Variants in CNTNAP5 observed in about 807,000 individuals in gnomAD.
The protein encoded by CNTNAP5 is contactin-associated protein-like 5.
A neutral mutation model predicts 150.2 loss-of-function variants in CNTNAP5; 72 were observed. That is an observed-to-expected ratio of 0.48 (90% CI 0.40 to 0.58). The LOEUF (loss-of-function observed/expected upper bound fraction) is 0.58, where lower values mean the gene tolerates loss of function less well. Among genes scored for constraint, CNTNAP5 ranks in the 20% least tolerant of loss-of-function variants. The pLI is 0.00. For missense variants in CNTNAP5, 1,636 were observed against 1,626.2 expected (o/e 1.01, Z -0.10); for synonymous variants, 672 against 619.8 (o/e 1.08, Z -1.25).
chr2:124,263,855 C>T (rs572085342), intron 3 of CNTNAP5, among the ~76,000 whole-genome samples: 61 of 152,244 alleles, frequency 4.0e-4, no homozygotes, highest in Middle Eastern at 3.4e-3. Flanking sequence ...CCAGTTTCAG[C>T]CTTCTACATA....
chr2:124,495,543 G>T (rs1233093280), intron 7 of CNTNAP5, among the ~76,000 whole-genome samples: 12 of 152,168 alleles, frequency 7.9e-5, no homozygotes, highest in African/African-American at 2.9e-4. Context: ...GTCATGCAGG[G>T]CACCATCTTC....
At chr2:124,379,748 G>C (rs1690742362) in intron 3 of CNTNAP5, among the ~76,000 whole-genome samples, 1 of 152,110 alleles carries the variant, frequency 6.6e-6, no homozygotes, top group South Asian at 2.1e-4. Context: ...AACCAGCCCT[G>C]GGATTTTGCT....
intron 3 of CNTNAP5, among the ~76,000 whole-genome samples, chr2:124,327,752 G>C (rs1187977566): frequency 1.3e-5 from 2 of 152,056 alleles, no homozygotes; most frequent in African/African-American, 4.8e-5. Flanking sequence ...TGCCCTTCCA[G>C]ATCAAACCAA....
intron 3 of CNTNAP5, among the ~76,000 whole-genome samples, chr2:124,368,885 G>T (rs540179424): frequency 2.6e-5 from 4 of 152,308 alleles, no homozygotes; most frequent in Non-Finnish European, 5.9e-5. Flanking sequence ...CAGCTCTGAC[G>T]AGAGAAGCTA....
intron 1 of CNTNAP5, among the ~76,000 whole-genome samples, chr2:124,153,297 A>G (rs796869559): frequency 2.0e-5 from 3 of 152,322 alleles, no homozygotes; most frequent in Admixed American, 6.5e-5. Flanking sequence ...ATAGTCTCCA[A>G]TAGCAAGAGG....
chr2:124,108,342 T>A (rs2104703241), intron 1 of CNTNAP5, among the ~76,000 whole-genome samples: 1 of 152,322 alleles, frequency 6.6e-6, no homozygotes, highest in South Asian at 2.1e-4. Flanking sequence ...GATCTTATTT[T>A]ATTATGTTCT....
intron 8 of CNTNAP5, among the ~76,000 whole-genome samples, chr2:124,520,350 G>A (rs546624620): frequency 6.6e-6 from 1 of 152,176 alleles, no homozygotes; most frequent in African/African-American, 2.4e-5. Context: ...CTACAGCTCT[G>A]TTACTATTTT....
rs533173255 is a variant in CNTNAP5 at position 124,185,200 on chromosome 2, T to A, written c.83-36505T>A. 1.1e-3 allele frequency among the ~76,000 whole-genome samples: 160 copies of A among 152,320 alleles called. 1 individual carries two copies. The highest frequency in any genetic ancestry group is 2.1e-3 in the Non-Finnish European group (140 of 68,030). ...TGAAACTCCACATTTTCTACCAAAA[T>A]GTTCAGCCCACAGTTTCTTCTCCCT... On this transcript the variant is annotated intron_variant, in intron 1 of 23. Coordinates refer to ENST00000682447, the MANE Select transcript of CNTNAP5 (RefSeq NM_001367498.1).
intron 17 of CNTNAP5, among the ~76,000 whole-genome samples, chr2:124,779,375 TC>T (rs1469254357): frequency 6.6e-6 from 1 of 152,196 alleles, no homozygotes; most frequent in African/African-American, 2.4e-5. Flanking sequence ...ACTTTCTTTT[TC>T]TTCTGTCCAA....
chr2:124,683,207 A>G (rs193009149), intron 13 of CNTNAP5, among the ~76,000 whole-genome samples: 2 of 152,204 alleles, frequency 1.3e-5, no homozygotes, highest in South Asian at 2.1e-4. Context: ...CCACTCTCCC[A>G]TATACTATGT....
At chr2:124,076,879 A>C (rs1290771550) in intron 1 of CNTNAP5, among the ~76,000 whole-genome samples, 1 of 152,078 alleles carries the variant, frequency 6.6e-6, no homozygotes, top group Non-Finnish European at 1.5e-5. Flanking sequence ...CAATCAGCCC[A>C]AGTATAAGAC....
At chr2:124,127,371 C>A (rs1346413198) in intron 1 of CNTNAP5, among the ~76,000 whole-genome samples, 1 of 152,142 alleles carries the variant, frequency 6.6e-6, no homozygotes, top group Non-Finnish European at 1.5e-5. Flanking sequence ...AGGACCTTTT[C>A]AAGGAGAACT....
chr2:124,084,929 T>TTTTTTTTTTTG (rs1682648042), intron 1 of CNTNAP5, among the ~76,000 whole-genome samples: 1 of 112,488 alleles, frequency 8.9e-6, no homozygotes, highest in Non-Finnish European at 2.1e-5. Context: ...TTCCTGTTTT[T>TTTTTTTTTTTG]TTTTTTTTTT....
At chr2:124,028,777 C>T (rs148358180) in intron 1 of CNTNAP5, among the ~76,000 whole-genome samples, 1 of 152,048 alleles carries the variant, frequency 6.6e-6, no homozygotes, top group Non-Finnish European at 1.5e-5. Flanking sequence ...CACAGCTAAG[C>T]GTTCAAATAC....
intron 12 of CNTNAP5, among the ~76,000 whole-genome samples, chr2:124,636,299 T>C (rs972747003): frequency 2.6e-5 from 4 of 152,192 alleles, no homozygotes; most frequent in Admixed American, 2.6e-4. Context: ...AGGTAATCGA[T>C]GTAAACTGCA....
intron 17 of CNTNAP5, among the ~76,000 whole-genome samples, chr2:124,785,347 T>C (rs1681542965): frequency 6.6e-6 from 1 of 152,188 alleles, no homozygotes; most frequent in African/African-American, 2.4e-5. Flanking sequence ...AGCAGGTTCA[T>C]TGTTAAGAGA....
intron 10 of CNTNAP5, among the ~76,000 whole-genome samples, chr2:124,544,618 A>G (rs930528642): frequency 1.3e-5 from 2 of 152,122 alleles, no homozygotes; most frequent in African/African-American, 4.8e-5. Flanking sequence ...CTGTCTTAAC[A>G]TCTTGTTACT....
intron 1 of CNTNAP5, among the ~76,000 whole-genome samples, chr2:124,038,964 G>A (rs1681294974): frequency 6.6e-6 from 1 of 152,172 alleles, no homozygotes. Flanking sequence ...GGGAGCTGAT[G>A]TCCAGGCTGG....
intron 12 of CNTNAP5, among the ~76,000 whole-genome samples, chr2:124,635,281 C>A (rs1042936376): frequency 1.3e-5 from 2 of 152,096 alleles, no homozygotes; most frequent in Non-Finnish European, 2.9e-5. Context: ...TTTAAACAAC[C>A]AGATCCCATG....
Sources: allele counts gnomAD v4.1 joint callset (sites outside exome capture counted in the v4.1 genomes callset), GRCh38; gene constraint gnomAD v4.1.1; transcripts MANE v1.5; gene names NCBI Gene and HGNC (gene_info 2026-07-23, HGNC 2026-07-21).